The following EIF3E variants were observed in gnomAD, a reference collection of about 807,000 sequenced individuals.
EIF3E encodes the protein eukaryotic translation initiation factor 3 subunit E.
A neutral mutation model predicts 59.3 loss-of-function variants in EIF3E; 25 were observed. The observed-to-expected ratio is 0.42, with a 90% confidence interval of 0.31 to 0.59. The LOEUF (loss-of-function observed/expected upper bound fraction) is 0.59. Ranked by LOEUF, EIF3E falls within the 20% of genes least tolerant of loss-of-function variation. EIF3E has a pLI of 0.15. For synonymous variants in EIF3E, 176 were observed against 170.2 expected (o/e 1.03, Z -0.26); for missense variants, 317 against 534.3 (o/e 0.59, Z 4.01).
chr8:108,221,729 A>G (rs1180151850), intron 7 of EIF3E: 2 of 151,608 alleles, frequency 1.3e-5, no homozygotes, highest in Non-Finnish European at 2.9e-5. Flanking sequence ...GAGGTGGCAA[A>G]AGTGCAACAT....
chr8:108,209,191 T>A (rs567216796), intron 10 of EIF3E, among the ~76,000 whole-genome samples: 1 of 152,192 alleles, frequency 6.6e-6, no homozygotes, highest in South Asian at 2.1e-4. Context: ...CTGAGATATA[T>A]CCTTTCCCTT....
chr8:108,245,068 C>A (rs1237220679), intron 1 of EIF3E, among the ~76,000 whole-genome samples: 1 of 152,000 alleles, frequency 6.6e-6, no homozygotes, highest in Non-Finnish European at 1.5e-5. Flanking sequence ...TTCCTTTGAT[C>A]AGTTTCTTAG....
At chr8:108,202,055 C>T (rs1815004523) in intron 12 of EIF3E, 132 bp from the exon 13 acceptor site, 1 of 692,402 alleles carries the variant, frequency 1.4e-6, no homozygotes, top group African/African-American at 1.9e-5. Context: ...GATCTTAACT[C>T]CTGCAATTAC....
chr8:108,205,419 A>G (rs1223281032), intron 10 of EIF3E, among the ~76,000 whole-genome samples: 1 of 152,170 alleles, frequency 6.6e-6, no homozygotes, highest in Non-Finnish European at 1.5e-5. Context: ...TTTTCTAACT[A>G]CTTTACCTCT....
At position 108,213,586 on chromosome 8, in the gene EIF3E, A is replaced by G. The variant is rs1472624633; in HGVS notation, c.1061+1021T>C. 7.2e-5 allele frequency among the ~76,000 whole-genome samples: 11 copies of G among 152,220 alleles called. No homozygotes were observed. In the East Asian group the frequency reaches 2.1e-3, roughly 29 times the overall value. On this transcript the variant is annotated intron_variant, in intron 10 of 12. Transcript: ENST00000220849. ...CATCCCTCTTTCACAAGCCCTAATTACAAACCTTAAAAACAAAGAACAATG... is the reference window on the plus strand; with the variant it reads ...CATCCCTCTTTCACAAGCCCTAATTGCAAACCTTAAAAACAAAGAACAATG...
At chr8:108,221,909 T>C (rs1477836728) in intron 7 of EIF3E, among the ~76,000 whole-genome samples, 1 of 152,196 alleles carries the variant, frequency 6.6e-6, no homozygotes, top group African/African-American at 2.4e-5. Context: ...TATTATTCTT[T>C]TCACATTTTT....
intron 2 of EIF3E, 136 bp from the exon 3 acceptor site, chr8:108,240,211 A>G (rs1339551017): frequency 1.3e-6 from 1 of 747,576 alleles, no homozygotes; most frequent in African/African-American, 1.7e-5. Flanking sequence ...TTCATATGCC[A>G]TGGGCTACTC....
chr8:108,235,550 C>A (rs1436268471), intron 4 of EIF3E, among the ~76,000 whole-genome samples: 1 of 152,186 alleles, frequency 6.6e-6, no homozygotes, highest in Non-Finnish European at 1.5e-5. Flanking sequence ...TGCTCTGTGG[C>A]CCTCCGGTAC....
Position 108,212,347 on chromosome 8 carries a change from TG to T in EIF3E, c.1061+2259del, listed in dbSNP as rs571407738. Reference sequence around the variant, plus strand: ...AAGATCTTGAAATGTGAGCCATCTATGAAGTATACTGTACTGAACACATAGA... The same window carrying T: ...AAGATCTTGAAATGTGAGCCATCTATAAGTATACTGTACTGAACACATAGA... On this transcript the variant is annotated intron_variant, in intron 10 of 12. Coordinates refer to ENST00000220849, the MANE Select transcript of EIF3E (RefSeq NM_001568.3). Among the ~76,000 whole-genome samples, 251 of 152,364 alleles carry T rather than the reference TG, an allele frequency of 1.6e-3. 1 individual carries two copies. The highest frequency in any genetic ancestry group is 2.4e-3 in the Non-Finnish European group (161 of 68,034).
intron 10 of EIF3E, among the ~76,000 whole-genome samples, chr8:108,207,076 T>C (rs1815115377): frequency 1.3e-5 from 2 of 152,220 alleles, no homozygotes; most frequent in African/African-American, 4.8e-5. Flanking sequence ...CAAGGAATAC[T>C]AGTAAATAAT....
At chr8:108,237,807 G>A (rs928103297) in intron 3 of EIF3E, among the ~76,000 whole-genome samples, 1 of 152,080 alleles carries the variant, frequency 6.6e-6, no homozygotes, top group Non-Finnish European at 1.5e-5. Context: ...TACCACTCAC[G>A]TATATAATCA....
rs1311134856 is a variant in EIF3E, at chr8:108,201,892, A to G, written c.1331T>C (p.Phe444Ser). The change falls in exon 13 of 13, where the codon TTC becomes TCC. Residue 444 changes from phenylalanine (F) to serine (S), a missense_variant. Physicochemically the swap from Phe to Ser is radical, Grantham distance 155 (BLOSUM62 -2). Around this residue, in one of 4 missense-constraint regions of EIF3E, gnomAD observed 45 missense variants for 97.8 expected, o/e 0.46. Coordinates refer to ENST00000220849, the MANE Select transcript of EIF3E (RefSeq NM_001568.3). ...APNWATQDSG[F>S]Y Reference sequence around the variant, plus strand: ...TCTTTTCTTTATGGTTCTTCAGTAGAAGCCAGAATCTTGAGTTGCCCAGTT... The same window carrying G: ...TCTTTTCTTTATGGTTCTTCAGTAGGAGCCAGAATCTTGAGTTGCCCAGTT... 1.3e-6 allele frequency: 2 copies of G among 1,570,866 alleles called. No homozygotes were observed. The highest frequency in any genetic ancestry group is 2.5e-5 in the South Asian group (2 of 80,998).
rs1563630176 is a variant in EIF3E at position 108,217,425 on chromosome 8, A to G, written c.758T>C (p.Ile253Thr). Residue 253 changes from isoleucine to threonine, a missense_variant, in exon 8 of 13, where the codon ATT becomes ACT. Physicochemically the swap from Ile to Thr is moderately conservative, Grantham distance 89. Transcript: ENST00000220849. ...GACTGCTGTAGTCAAATAGCGAAGA[A>G]TGTGTGGACACATTGTCTGAATTGC... ...LNAIQTMCPH[I>T]LRYLTTAVIT... The G allele has an allele frequency of 6.2e-7, 1 of 1,603,704 alleles. No homozygotes were observed. Among genetic ancestry groups the G allele is most frequent in the Admixed American group, 1.7e-5 (1 of 59,126 alleles).
intron 7 of EIF3E, chr8:108,227,229 G>A (rs1330073927): frequency 1.3e-5 from 2 of 152,118 alleles, no homozygotes; most frequent in Admixed American, 1.3e-4. Context: ...GAGGCTGACG[G>A]GGGAGGATGG....
chr8:108,209,807 G>C (rs887043283), intron 10 of EIF3E, among the ~76,000 whole-genome samples: 2 of 152,156 alleles, frequency 1.3e-5, no homozygotes, highest in Admixed American at 1.3e-4. Context: ...GTAGTTGCCA[G>C]AAATTAAGGA....
At chr8:108,207,456 AG>A (rs1433475270) in intron 10 of EIF3E, among the ~76,000 whole-genome samples, 50 of 152,204 alleles carry the variant, frequency 3.3e-4, no homozygotes, top group African/African-American at 1.2e-3. Context: ...AAAGACAAAA[AG>A]TTGGCGTAAC....
rs145581575 is a variant in EIF3E, at chr8:108,233,826, G to C, written c.471+1172C>G. On this transcript the variant is annotated intron_variant, in intron 5 of 12. Transcript: ENST00000220849. ...TGCACTCTTACCTGGGTGAGAGCAAGACCCTGTCTCAAAAAAAAAAAAAAA... is the reference window on the plus strand; with the variant it reads ...TGCACTCTTACCTGGGTGAGAGCAACACCCTGTCTCAAAAAAAAAAAAAAA... 6.1e-3 allele frequency among the ~76,000 whole-genome samples: 621 copies of C among 102,074 alleles called. 9 individuals carry two copies. Among genetic ancestry groups the C allele is most frequent in the African/African-American group, 0.024 (584 of 24,668 alleles). The allele number at this position is 102,074 out of a possible 152,430, so 67.0% of individuals were successfully genotyped here.
chr8:108,245,729 AGAGT>A (rs1165497278), intron 1 of EIF3E, among the ~76,000 whole-genome samples: 4 of 152,210 alleles, frequency 2.6e-5, no homozygotes, highest in African/African-American at 9.6e-5. Context: ...AAAATAAAGA[AGAGT>A]GAGAAACAAG....
rs1814988984 is a variant in EIF3E at position 108,201,250 on chromosome 8, C to CATATATATATCTATATATATATAT, written c.*634_*635insATATATATATATAGATATATATAT. The CATATATATATCTATATATATATAT allele has an allele frequency of 8.1e-6, 1 of 122,892 alleles. No individual in the cohort carries two copies. Among genetic ancestry groups the CATATATATATCTATATATATATAT allele is most frequent in the Non-Finnish European group, 1.7e-5 (1 of 60,064 alleles). 7.6% of individuals were successfully genotyped at this position (122,892 alleles called of 1,614,324 possible). On this transcript the variant is annotated 3_prime_UTR_variant, in exon 13 of 13. Coordinates refer to ENST00000220849, the MANE Select transcript of EIF3E (RefSeq NM_001568.3). ...AATAAAAAAGGAATTAACTACTGATCATATATATATATATATCTATCTCTC... is the reference window on the plus strand; with the variant it reads ...AATAAAAAAGGAATTAACTACTGATCATATATATATCTATATATATATATATATATATATATATATCTATCTCTC...
Sources: gnomAD v4.1 joint callset for allele counts (sites outside exome capture counted in the v4.1 genomes callset) on GRCh38, gnomAD v4.1.1 for gene constraint, gnomAD v4.1.1 regional missense constraint, MANE v1.5 for transcripts, NCBI Gene and HGNC (gene_info 2026-07-23, HGNC 2026-07-21) for gene names.